IFT80: variants seen among roughly 807,000 people sequenced by gnomAD.
The protein encoded by IFT80 is intraflagellar transport protein 80 homolog.
In IFT80, 79 loss-of-function variants were observed where a neutral mutation model predicts 107.9. The ratio of observed to expected loss-of-function variants is 0.73; its 90% CI spans 0.61 to 0.88. IFT80 has a LOEUF of 0.88. Among genes scored for constraint, IFT80 ranks in the 40% least tolerant of loss-of-function variants. IFT80 has a pLI of 0.00. For synonymous variants in IFT80, 299 were observed against 300.9 expected, an observed-to-expected ratio of 0.99 and a Z score of 0.07; for missense variants, 797 against 914.2, an observed-to-expected ratio of 0.87 and a Z score of 1.65.
intron 12 of IFT80, among the ~76,000 whole-genome samples, chr3:160,300,589 C>G (rs1441370974): frequency 6.6e-6 from 1 of 152,050 alleles, no homozygotes; most frequent in African/African-American, 2.4e-5. Context: ...AGTTTTAGGA[C>G]CACAACATTA....
Position 160,282,512 on chromosome 3 carries a change from T to G in IFT80, c.1482A>C (p.Lys494Asn). The G allele has an allele frequency of 6.3e-7, 1 of 1,598,438 alleles. No individual in the cohort carries two copies. The highest frequency in any genetic ancestry group is 1.1e-5 in the South Asian group (1 of 88,944). ...KNRDLCITSV[K>N]RFGKEEQIIK... ...TAATTTGTTCTTCCTTCCCAAATCG[T>G]TTCACAGAAGTGATACAGAGATCTC... The change falls in exon 14 of 20, where the codon AAA (lysine) becomes AAC (asparagine). Residue 494 changes from lysine (K) to asparagine (N), a missense_variant. Transcript: ENST00000326448.
intron 12 of IFT80, among the ~76,000 whole-genome samples, chr3:160,296,887 A>G (rs1576768649): frequency 6.6e-6 from 1 of 152,050 alleles, no homozygotes; most frequent in Non-Finnish European, 1.5e-5. Context: ...GTTTTCTCCC[A>G]GTTCTCTTCT....
At position 160,366,044 on chromosome 3, in the gene IFT80, T is replaced by C; in HGVS notation, c.548A>G (p.Gln183Arg). ...KPLQPNAKVL[Q>R]WKAHDGIILK... ...AATTTACAAATGACTGAGAAGTACCTGCAAAACTTTAGCATTTGGTTGAAG... is the reference window on the plus strand; with the variant it reads ...AATTTACAAATGACTGAGAAGTACCCGCAAAACTTTAGCATTTGGTTGAAG... Residue 183 changes from glutamine to arginine, a missense_variant and splice_region_variant, in exon 6 of 20, where the codon CAG (glutamine) becomes CGG (arginine). Gln to Arg is a conservative substitution (Grantham distance 43). Transcript: ENST00000326448. 6.2e-7 allele frequency: 1 copy of C among 1,610,346 alleles called. No individual in the cohort carries two copies. The highest frequency in any genetic ancestry group is 1.1e-5 in the South Asian group (1 of 91,014).
chr3:160,397,384 TG>T (rs1406231550), intron 1 of IFT80, among the ~76,000 whole-genome samples: 1 of 152,212 alleles, frequency 6.6e-6, no homozygotes, highest in African/African-American at 2.4e-5. Context: ...CTAACATCCT[TG>T]ACTTGGTTTT....
At chr3:160,331,663 T>G (rs1719095153) in intron 8 of IFT80, among the ~76,000 whole-genome samples, 3 of 112,332 alleles carry the variant, frequency 2.7e-5, no homozygotes, top group African/African-American at 1.0e-4. Flanking sequence ...CTTTTTACCC[T>G]TGTAATTTTT....
Position 160,388,260 on chromosome 3 carries a change from G to GAA in IFT80, c.-46-3616_-46-3615dup, listed in dbSNP as rs537654385. Among the ~76,000 whole-genome samples, 798 of 146,750 alleles carry GAA rather than the reference G, an allele frequency of 5.4e-3. 7 individuals are homozygous for GAA. The highest frequency in any genetic ancestry group is 0.019 in the African/African-American group (771 of 39,838). ...TGGCAAATTCTTCCAAGCATTTAAT[G>GAA]AAAAAATCACATCAATTACAAACAA... On this transcript the variant is annotated intron_variant, in intron 1 of 19. Coordinates refer to ENST00000326448, the MANE Select transcript of IFT80 (RefSeq NM_020800.3).
In IFT80 at chr3:160,258,545, T is replaced by C; in HGVS notation, c.2314A>G (p.Ser772Gly). The change falls in exon 20 of 20, where the codon AGT (serine) becomes GGT (glycine). Residue 772 changes from serine (S) to glycine (G), a missense_variant. By Grantham distance (56) the Ser-to-Gly change is moderately conservative. Transcript: ENST00000326448. ...GGCATTTAGGGCTTTAAACCTATAC[T>C]CTTGCTGGATTGGCTGCTTGATGAT... ...EQSSSSQSSK[S>G]IGLKP 1.2e-6 allele frequency: 2 copies of C among 1,613,836 alleles called. No individual in the cohort carries two copies. Among genetic ancestry groups the C allele is most frequent in the Non-Finnish European group, 1.7e-6 (2 of 1,179,958 alleles).
At chr3:160,312,856 A>T (rs1717448759) in intron 9 of IFT80, among the ~76,000 whole-genome samples, 2 of 36,600 alleles carry the variant, frequency 5.5e-5, no homozygotes, top group African/African-American at 2.1e-4. Context: ...ATTATATATA[A>T]ATATATAATA....
At chr3:160,262,210 G>A (rs1712904187) in intron 19 of IFT80, among the ~76,000 whole-genome samples, 1 of 152,062 alleles carries the variant, frequency 6.6e-6, no homozygotes, top group Non-Finnish European at 1.5e-5. Flanking sequence ...ACAGTGTCTT[G>A]GAACTCTGGG....
At chr3:160,278,369 A>G (rs1714431673) in intron 16 of IFT80, among the ~76,000 whole-genome samples, 1 of 152,244 alleles carries the variant, frequency 6.6e-6, no homozygotes, top group Non-Finnish European at 1.5e-5. Context: ...TAATAAGATT[A>G]GGGTGGGGCA....
rs538846439 is a variant in IFT80, at chr3:160,389,673, T to C, written c.-46-5027A>G. Among the ~76,000 whole-genome samples the C allele has an allele frequency of 1.2e-4, 18 of 151,946 alleles. No homozygotes were observed. The South Asian group carries it at 3.5e-3, about 30-fold the overall frequency. ...AAGGACATGAACTCATCATTTTTTATGGCTGCATAGTATTCCACGGTGTAT... is the reference window on the plus strand; with the variant it reads ...AAGGACATGAACTCATCATTTTTTACGGCTGCATAGTATTCCACGGTGTAT... On this transcript the variant is annotated intron_variant, in intron 1 of 19. Coordinates refer to ENST00000326448, the MANE Select transcript of IFT80 (RefSeq NM_020800.3).
At chr3:160,383,751 G>T in intron 2 of IFT80, 4 of 985,078 alleles carry the variant, frequency 4.1e-6, no homozygotes, top group Non-Finnish European at 4.8e-6. Context: ...ACATAACTGG[G>T]GACTCTTGCT....
rs538719990 is a variant in IFT80, at chr3:160,347,406, C to G, written c.777+8607G>C. On this transcript the variant is annotated intron_variant, in intron 8 of 19. Coordinates refer to ENST00000326448, the MANE Select transcript of IFT80 (RefSeq NM_020800.3). ...GCTGCTTCAGTGGAGGAACCAATTT[C>G]TAGGGCTGCCTATTCCACCATTTTC... Among the ~76,000 whole-genome samples, 27 of 152,194 alleles carry G rather than the reference C, an allele frequency of 1.8e-4. No individual in the cohort carries two copies. The South Asian group carries it at 5.4e-3, about 30-fold the overall frequency.
chr3:160,347,897 A>G (rs544958146), intron 8 of IFT80, among the ~76,000 whole-genome samples: 7 of 152,314 alleles, frequency 4.6e-5, no homozygotes, highest in African/African-American at 1.4e-4. Context: ...TGATCTCTTT[A>G]AAGAAAATTC....
chr3:160,378,250 A>G (rs1260235242), intron 3 of IFT80, among the ~76,000 whole-genome samples: 2 of 151,984 alleles, frequency 1.3e-5, no homozygotes, highest in Non-Finnish European at 2.9e-5. Flanking sequence ...TAAAAAAAAA[A>G]AAAAGTAAAG....
Position 160,356,120 on chromosome 3 carries a change from T to A in IFT80, c.670A>T (p.Asn224Tyr), listed in dbSNP as rs2108360263. 1 of 1,614,192 alleles carries A rather than the reference T, an allele frequency of 6.2e-7. No homozygotes were observed. The change falls in exon 8 of 20, where the codon AAT (asparagine) becomes TAT (tyrosine). Residue 224 changes from asparagine to tyrosine, a missense_variant. Asn to Tyr is a moderately radical substitution (Grantham distance 143). Coordinates refer to ENST00000326448, the MANE Select transcript of IFT80 (RefSeq NM_020800.3). ...ATGGGATGCTCATGAGGTTGTGAAT[T>A]GTACAGTGGGCGGCCGTAACTATCC... ...VWDSYGRPLY[N>Y]SQPHEHPITS...
chr3:160,393,535 G>A (rs1713541870), intron 1 of IFT80, among the ~76,000 whole-genome samples: 1 of 152,160 alleles, frequency 6.6e-6, no homozygotes, highest in Non-Finnish European at 1.5e-5. Flanking sequence ...AGAATAGGGA[G>A]TTATTGTTCA....
intron 18 of IFT80, among the ~76,000 whole-genome samples, chr3:160,269,222 CAAAAA>C (rs10539287): frequency 3.8e-5 from 4 of 104,880 alleles, no homozygotes; most frequent in Non-Finnish European, 4.2e-5. Context: ...GAGCGAGACT[CAAAAA>C]AAAAAAAAAA....
chr3:160,384,765 C>T, intron 1 of IFT80, 119 bp from the exon 2 acceptor site: 1 of 675,132 alleles, frequency 1.5e-6, no homozygotes, highest in South Asian at 1.9e-5. Context: ...GTCCTTCTGA[C>T]ATCAAGTACA....
Sources: allele counts gnomAD v4.1 joint callset (sites outside exome capture counted in the v4.1 genomes callset), GRCh38; gene constraint gnomAD v4.1.1; transcripts MANE v1.5; gene names NCBI Gene and HGNC (gene_info 2026-07-23, HGNC 2026-07-21).